Variants in METTL25 observed in about 807,000 individuals in gnomAD.
METTL25 encodes probable methyltransferase-like protein 25.
A neutral mutation model predicts 71.6 loss-of-function variants in METTL25; 64 were observed. That is an observed-to-expected ratio of 0.89 (90% CI 0.73 to 1.10). The LOEUF (loss-of-function observed/expected upper bound fraction) is 1.10. Among genes scored for constraint, METTL25 ranks in the 50% least tolerant of loss-of-function variants. The pLI, the probability that METTL25 is intolerant of heterozygous loss-of-function variation, is 0.00. For missense variants in METTL25, 807 were observed against 707.0 expected (o/e 1.14, Z -1.60); for synonymous variants, 287 against 250.3 (o/e 1.15, Z -1.38).
At chr12:82,478,258 G>T (rs1022020339) in intron 11 of METTL25, among the ~76,000 whole-genome samples, 6 of 151,644 alleles carry the variant, frequency 4.0e-5, no homozygotes, top group Non-Finnish European at 5.9e-5. Flanking sequence ...TGTACAAGAG[G>T]TAAGCAAAAC....
At chr12:82,438,659 T>G in intron 7 of METTL25, 59 bp from the exon 8 acceptor site, 1 of 1,078,416 alleles carries the variant, frequency 9.3e-7, no homozygotes, top group Non-Finnish European at 1.3e-6. Context: ...CATTCTGGTA[T>G]TTATTTTATT....
chr12:82,361,175 T>G (rs1189919944), intron 1 of METTL25, among the ~76,000 whole-genome samples: 1 of 152,196 alleles, frequency 6.6e-6, no homozygotes, highest in Non-Finnish European at 1.5e-5. Context: ...TTACAATCCC[T>G]GAGCTAGACA....
intron 5 of METTL25, among the ~76,000 whole-genome samples, chr12:82,417,393 C>A (rs1283173556): frequency 2.0e-5 from 3 of 152,082 alleles, no homozygotes; most frequent in African/African-American, 7.2e-5. Context: ...TACCTTTCAA[C>A]ATAAGTAATA....
At position 82,404,483 on chromosome 12, in the gene METTL25, C is replaced by T. The variant is rs114602658; in HGVS notation, c.1279+1353C>T. Among the ~76,000 whole-genome samples the T allele has an allele frequency of 9.9e-3, 1,508 of 152,152 alleles. 24 individuals are homozygous for T. Among genetic ancestry groups the T allele is most frequent in the African/African-American group, 0.034 (1,422 of 41,514 alleles). ...CTTTAATGCAATCACAGTTCTACAG[C>T]TTTTTAAATGTTCTGTGTATAACAT... is the stretch of plus-strand genomic sequence containing the variant. On this transcript the variant is annotated intron_variant, in intron 5 of 11. Coordinates refer to ENST00000248306, the MANE Select transcript of METTL25 (RefSeq NM_032230.3).
At chr12:82,433,547 C>A (rs1031062471) in intron 6 of METTL25, among the ~76,000 whole-genome samples, 12 of 151,528 alleles carry the variant, frequency 7.9e-5, no homozygotes, top group African/African-American at 2.9e-4. Context: ...AACTCTTTTT[C>A]CCACTAACTC....
chr12:82,364,615 G>A (rs1882348973), intron 1 of METTL25, among the ~76,000 whole-genome samples: 1 of 151,994 alleles, frequency 6.6e-6, no homozygotes, highest in Non-Finnish European at 1.5e-5. Flanking sequence ...TTAAAAGTAG[G>A]GATAATATTA....
chr12:82,427,278 T>G (rs1390001458), intron 5 of METTL25, among the ~76,000 whole-genome samples: 1 of 151,982 alleles, frequency 6.6e-6, no homozygotes, highest in East Asian at 1.9e-4. Context: ...CTGTGTGTGT[T>G]ATCTAATGTT....
intron 1 of METTL25, among the ~76,000 whole-genome samples, chr12:82,379,944 G>A (rs1327429524): frequency 6.6e-6 from 1 of 152,076 alleles, no homozygotes; most frequent in Non-Finnish European, 1.5e-5. Context: ...AGCTAAGTGT[G>A]CATATTGATC....
At chr12:82,471,577 A>G (rs1047283019) in intron 9 of METTL25, among the ~76,000 whole-genome samples, 1 of 152,122 alleles carries the variant, frequency 6.6e-6, no homozygotes, top group African/African-American at 2.4e-5. Flanking sequence ...TCTAATCCTA[A>G]CTCTTAACAG....
Position 82,386,833 on chromosome 12 carries a change from A to G in METTL25, c.290A>G (p.Glu97Gly), listed in dbSNP as rs1267114306. 1.9e-6 allele frequency: 3 copies of G among 1,613,204 alleles called. No individual in the cohort carries two copies. Among genetic ancestry groups the G allele is most frequent in the African/African-American group, 2.7e-5 (2 of 74,962 alleles). Reference sequence around the variant, plus strand: ...ACTGATTTTCCCAAAATATTTTGTGAAACTTCTCAGAAGTTGGTGAGTGTG... The same window carrying G: ...ACTGATTTTCCCAAAATATTTTGTGGAACTTCTCAGAAGTTGGTGAGTGTG... ...GMTDFPKIFCETSQKLVSVEA... is the reference protein window; with the variant it reads ...GMTDFPKIFCGTSQKLVSVEA... The change falls in exon 2 of 12, where the codon GAA (glutamate) becomes GGA (glycine). Residue 97 changes from glutamate (E) to glycine (G), a missense_variant. By Grantham distance (98) the Glu-to-Gly change is moderately conservative. Coordinates refer to ENST00000248306, the MANE Select transcript of METTL25 (RefSeq NM_032230.3).
intron 5 of METTL25, among the ~76,000 whole-genome samples, chr12:82,405,637 A>G (rs1887031079): frequency 6.6e-6 from 1 of 152,228 alleles, no homozygotes; most frequent in Admixed American, 6.5e-5. Flanking sequence ...TTCACTGGTC[A>G]TGTATTCTAA....
intron 7 of METTL25, among the ~76,000 whole-genome samples, chr12:82,435,738 G>C (rs1889869616): frequency 6.6e-6 from 1 of 151,376 alleles, no homozygotes; most frequent in Non-Finnish European, 1.5e-5. Flanking sequence ...TGAAGTGAAT[G>C]AAAAATGTAC....
chr12:82,447,219 C>A (rs562569368), intron 8 of METTL25, among the ~76,000 whole-genome samples: 20 of 152,018 alleles, frequency 1.3e-4, no homozygotes, highest in Non-Finnish European at 2.4e-4. Context: ...TATATACATG[C>A]CTCAGCAGTT....
rs537925215 is a variant in METTL25 at position 82,361,076 on chromosome 12, C to A, written c.259+2252C>A. Among the ~76,000 whole-genome samples, 4 of 152,208 alleles carry A rather than the reference C, an allele frequency of 2.6e-5. No homozygotes were observed. In the East Asian group the frequency reaches 7.8e-4, roughly 30 times the overall value. ...CTGGCGCCAGCAGTCTGCTTTTATT[C>A]TCTTATCTGACCCCACCCACATCCT... On this transcript the variant is annotated intron_variant, in intron 1 of 11. Transcript: ENST00000248306.
intron 3 of METTL25, among the ~76,000 whole-genome samples, chr12:82,397,872 A>C (rs1388955579): frequency 6.6e-6 from 1 of 152,020 alleles, no homozygotes; most frequent in Non-Finnish European, 1.5e-5. Flanking sequence ...CTGTAGCTAT[A>C]CTACACTGTT....
At chr12:82,400,589 T>TAAAAA (rs5799584) in intron 4 of METTL25, among the ~76,000 whole-genome samples, 103,990 of 151,902 alleles carry the variant, frequency 0.68, 36,890 homozygotes, top group East Asian at 0.82. Context: ...TAGTTTAACT[T>TAAAAA]AAATGTAAAT....
chr12:82,473,873 G>A (rs1892719114), intron 9 of METTL25, among the ~76,000 whole-genome samples: 1 of 152,180 alleles, frequency 6.6e-6, no homozygotes, highest in East Asian at 1.9e-4. Context: ...GCCCCATGCA[G>A]CTTAGGTTGT....
At chr12:82,446,333 C>T (rs1890732933) in intron 8 of METTL25, among the ~76,000 whole-genome samples, 1 of 152,108 alleles carries the variant, frequency 6.6e-6, no homozygotes. Context: ...ACCTAACTGA[C>T]ATTTACAGGA....
intron 1 of METTL25, among the ~76,000 whole-genome samples, chr12:82,383,509 A>T (rs947901403): frequency 1.3e-5 from 2 of 152,168 alleles, no homozygotes; most frequent in African/African-American, 4.8e-5. Flanking sequence ...TCTGTAAATG[A>T]GGATAAGAGC....
Sources: allele counts gnomAD v4.1 joint callset (sites outside exome capture counted in the v4.1 genomes callset), GRCh38; gene constraint gnomAD v4.1.1; transcripts MANE v1.5; gene names NCBI Gene and HGNC (gene_info 2026-07-23, HGNC 2026-07-21).